UGT1A7: variants seen among roughly 807,000 people sequenced by gnomAD.
UGT1A7 encodes the protein UDP glucuronosyltransferase family 1 member A7, also known as UDP-glucuronosyltransferase 1A7.
In UGT1A7, 33 loss-of-function variants were observed where a neutral mutation model predicts 45.6. That is an observed-to-expected ratio of 0.72 (90% confidence interval 0.55 to 0.97). The LOEUF (loss-of-function observed/expected upper bound fraction) is 0.97, where lower values mean the gene tolerates loss of function less well. Among genes scored for constraint, UGT1A7 ranks in the 50% least tolerant of loss-of-function variants. The pLI, the probability that UGT1A7 is intolerant of heterozygous loss-of-function variation, is 0.00. For missense variants in UGT1A7, 684 were observed against 666.2 expected (o/e 1.03, Z -0.29); for synonymous variants, 274 against 250.6 (o/e 1.09, Z -0.88).
chr2:233,769,698 G>T lies in UGT1A7; in HGVS notation c.1295+1259G>T. 1.3e-6 allele frequency: 2 copies of T among 1,529,982 alleles called. No individual in the cohort carries two copies. Among genetic ancestry groups the T allele is most frequent in the Non-Finnish European group, 1.8e-6 (2 of 1,137,522 alleles). The allele number at this position is 1,529,982 out of a possible 1,614,324, so 94.8% of individuals were successfully genotyped here. A position where few individuals can be genotyped will look rare whatever the true frequency, so the allele number is the denominator to read the frequency against. On this transcript the variant is annotated intron_variant, in intron 4 of 4. Coordinates refer to ENST00000373426, the MANE Select transcript of UGT1A7 (RefSeq NM_019077.3). The surrounding 1 kb of genome is among the most constrained non-coding windows in gnomAD (Gnocchi z 4.4). ...GTGTGTGTGGTGGCACTGGATAAAA[G>T]ATCAATGTTGGCTAGGCACCATGGC...
chr2:233,738,354 G>A lies in UGT1A7; in HGVS notation c.856-28680G>A, dbSNP rs1033187922. Among the ~76,000 whole-genome samples the A allele has an allele frequency of 9.2e-5, 14 of 152,188 alleles. 1 individual carries two copies. Among genetic ancestry groups the A allele is most frequent in the Admixed American group, 7.2e-4 (11 of 15,278 alleles). The stretch of plus-strand genomic sequence containing the variant: ...ACAGTAAATTGGTGTCATGGAGAGT[G>A]GGGTACTGCTATAAAACTACTTGAA... On this transcript the variant is annotated intron_variant, in intron 1 of 4. Coordinates refer to ENST00000373426, the MANE Select transcript of UGT1A7 (RefSeq NM_019077.3).
chr2:233,724,151 G>A (rs2077177263), intron 1 of UGT1A7, among the ~76,000 whole-genome samples: 1 of 124,618 alleles, frequency 8.0e-6, no homozygotes, highest in African/African-American at 3.6e-5. Flanking sequence ...CGGCTGGCCG[G>A]GTGGGGGGGC....
In UGT1A7 at chr2:233,682,401, T is replaced by G. The variant is rs760961250; in HGVS notation, c.464T>G (p.Leu155Ter). Residue 155 changes from leucine to a stop codon, truncating the protein, a stop_gained, in exon 1 of 5, where the codon TTA becomes TGA. Coordinates refer to ENST00000373426, the MANE Select transcript of UGT1A7 (RefSeq NM_019077.3). LOFTEE classifies it high-confidence loss of function. ...VFLDPFDACGLIVAKYFSLPS... is the reference protein window; with the variant it reads ...VFLDPFDACG ...CTCGATCCTTTTGATGCCTGTGGCTTAATTGTTGCCAAATATTTCTCCCTC... is the reference window on the plus strand; with the variant it reads ...CTCGATCCTTTTGATGCCTGTGGCTGAATTGTTGCCAAATATTTCTCCCTC... 6.2e-7 allele frequency: 1 copy of G among 1,614,010 alleles called. No individual in the cohort carries two copies. The highest frequency in any genetic ancestry group is 2.2e-5 in the East Asian group (1 of 44,886).
chr2:233,693,199 G>T (rs1204736990), intron 1 of UGT1A7: 3 of 1,613,990 alleles, frequency 1.9e-6, no homozygotes, highest in Non-Finnish European at 2.5e-6. Context: ...AAGTTAATTT[G>T]CTTTTGAAAG....
At chr2:233,709,038 G>A (rs2076054065) in intron 1 of UGT1A7, among the ~76,000 whole-genome samples, 1 of 152,112 alleles carries the variant, frequency 6.6e-6, no homozygotes, top group Non-Finnish European at 1.5e-5. Flanking sequence ...TTCAGCCTGA[G>A]TTCTTTTCCC....
At chr2:233,754,978 C>T (rs1695669392) in intron 1 of UGT1A7, 1 of 1,298,496 alleles carries the variant, frequency 7.7e-7, no homozygotes, top group South Asian at 1.2e-5. Flanking sequence ...CTGAAGACCT[C>T]GGCGGGGTCA....
At chr2:233,724,619 C>A (rs2077290333) in intron 1 of UGT1A7, among the ~76,000 whole-genome samples, 1 of 138,420 alleles carries the variant, frequency 7.2e-6, no homozygotes, top group East Asian at 2.3e-4. Flanking sequence ...GGCAGAGACG[C>A]TCCTCACTTC....
At chr2:233,691,098 G>A (rs576470631) in intron 1 of UGT1A7, 8 of 986,052 alleles carry the variant, frequency 8.1e-6, no homozygotes, top group African/African-American at 1.7e-5. Context: ...TCTTGATCCC[G>A]CTATTCCTAC....
At chr2:233,751,369 A>G (rs1694708741) in intron 1 of UGT1A7, among the ~76,000 whole-genome samples, 1 of 152,104 alleles carries the variant, frequency 6.6e-6, no homozygotes, top group South Asian at 2.1e-4. Context: ...TCATGGGGGA[A>G]GGGACTTGCC....
intron 1 of UGT1A7, among the ~76,000 whole-genome samples, chr2:233,732,232 C>T (rs2078252352): frequency 6.6e-6 from 1 of 152,176 alleles, no homozygotes; most frequent in South Asian, 2.1e-4. Flanking sequence ...TTCTCCCATT[C>T]TGTAGGTTGC....
intron 1 of UGT1A7, among the ~76,000 whole-genome samples, chr2:233,695,933 C>T (rs891673368): frequency 9.9e-5 from 15 of 152,070 alleles, no homozygotes; most frequent in African/African-American, 3.6e-4. Context: ...AGCAAGCAGG[C>T]AATTCTGCCA....
Position 233,743,916 on chromosome 2 carries a change from T to C in UGT1A7, c.856-23118T>C, listed in dbSNP as rs774957959. On this transcript the variant is annotated intron_variant, in intron 1 of 4. Transcript: ENST00000373426. Reference sequence around the variant, plus strand: ...TCCAGCACCTCGTAGTAGTCCACCATGCTGGATGGCCAGAACGGCCCACCA... The same window carrying C: ...TCCAGCACCTCGTAGTAGTCCACCACGCTGGATGGCCAGAACGGCCCACCA... 1.8e-5 allele frequency: 25 copies of C among 1,364,598 alleles called. 1 individual carries two copies. Among genetic ancestry groups the C allele is most frequent in the South Asian group, 1.5e-4 (13 of 87,900 alleles). 84.5% of individuals were successfully genotyped at this position (1,364,598 alleles called of 1,614,324 possible). A position where few individuals can be genotyped will look rare whatever the true frequency, so the allele number is the denominator to read the frequency against.
intron 1 of UGT1A7, among the ~76,000 whole-genome samples, chr2:233,717,364 C>CA (rs1417907473): frequency 6.6e-6 from 1 of 152,218 alleles, no homozygotes; most frequent in Admixed American, 6.5e-5. Flanking sequence ...GGGGAGTTCT[C>CA]AAGCCCTTAC....
chr2:233,745,345 T>C (rs1184068068), intron 1 of UGT1A7, among the ~76,000 whole-genome samples: 1 of 151,834 alleles, frequency 6.6e-6, no homozygotes, highest in Non-Finnish European at 1.5e-5. Flanking sequence ...ACCATGAATT[T>C]TGGGGGAATT....
At chr2:233,714,359 G>C (rs754648080) in intron 1 of UGT1A7, among the ~76,000 whole-genome samples, 1 of 152,198 alleles carries the variant, frequency 6.6e-6, no homozygotes, top group Non-Finnish European at 1.5e-5. Context: ...AGGTTTCAAA[G>C]AAGTTGACTC....
At chr2:233,718,263 G>A (rs889677114) in intron 1 of UGT1A7, among the ~76,000 whole-genome samples, 4 of 152,166 alleles carry the variant, frequency 2.6e-5, no homozygotes, top group African/African-American at 9.7e-5. Context: ...ATATCCTGGT[G>A]TGAAAAAAGA....
chr2:233,767,712 C>G (rs1699458163), intron 2 of UGT1A7, 137 bp from the exon 3 acceptor site: 1 of 1,533,444 alleles, frequency 6.5e-7, no homozygotes, highest in African/African-American at 1.4e-5. Flanking sequence ...CCTCAGAAGC[C>G]TTCACAGTTA....
At chr2:233,701,225 G>A (rs1395250267) in intron 1 of UGT1A7, among the ~76,000 whole-genome samples, 2 of 152,092 alleles carry the variant, frequency 1.3e-5, no homozygotes, top group Non-Finnish European at 2.9e-5. Flanking sequence ...AATCCTTTGG[G>A]TATATACCCA....
chr2:233,728,301 G>T (rs1339327162), intron 1 of UGT1A7, among the ~76,000 whole-genome samples: 6 of 152,216 alleles, frequency 3.9e-5, no homozygotes, highest in Non-Finnish European at 8.8e-5. Context: ...AATTCAGACT[G>T]TGCAAGATCT....
Sources: gnomAD v4.1 joint callset for allele counts (sites outside exome capture counted in the v4.1 genomes callset) on GRCh38, gnomAD v4.1.1 for gene constraint, Gnocchi (gnomAD v3.1) non-coding constraint, MANE v1.5 for transcripts, NCBI Gene and HGNC (gene_info 2026-07-23, HGNC 2026-07-21) for gene names.